The following TNC variants were observed in gnomAD, a reference collection of about 807,000 sequenced individuals.
TNC encodes tenascin C.
In TNC, 109 loss-of-function variants were observed where a neutral mutation model predicts 202.4. The observed-to-expected ratio is 0.54, with a 90% CI of 0.46 to 0.63. The LOEUF is 0.63. Among genes scored for constraint, TNC ranks in the 30% least tolerant of loss-of-function variants. The pLI is 0.00. For missense variants in TNC, 2,756 were observed against 2,833.3 expected, an observed-to-expected ratio of 0.97 and a Z score of 0.62; for synonymous variants, 1,007 against 1,089.7, an observed-to-expected ratio of 0.92 and a Z score of 1.50.
chr9:115,061,836 A>AT (rs1832570370), intron 13 of TNC, among the ~76,000 whole-genome samples: 1 of 152,198 alleles, frequency 6.6e-6, no homozygotes, highest in Non-Finnish European at 1.5e-5. Context: ...GGAGCAGCTC[A>AT]TTTTTGGTGG....
At position 115,064,067 on chromosome 9, in the gene TNC, C is replaced by T. The variant is rs1303629827; in HGVS notation, c.3489G>A (p.Gly1163=). The T allele has an allele frequency of 6.2e-7, 1 of 1,602,074 alleles. No individual in the cohort carries two copies. Among genetic ancestry groups the T allele is most frequent in the Non-Finnish European group, 8.5e-7 (1 of 1,172,588 alleles). Residue 1163 remains glycine (G), a splice_region_variant and synonymous_variant, in exon 12 of 28, where the codon GGG becomes GGA. Coordinates refer to ENST00000350763, the MANE Select transcript of TNC (RefSeq NM_002160.4). ...TPVLSAEAST[G]ETPNLGEVVV... ...CGACCTCTCCCAAATTGGGAGTTTC[C>T]CCTGGAGAAGGACAAAGAACTAGTT...
intron 14 of TNC, among the ~76,000 whole-genome samples, chr9:115,058,007 T>C (rs1033853294): frequency 2.0e-5 from 3 of 152,242 alleles, no homozygotes; most frequent in African/African-American, 7.2e-5. Context: ...GGTATTTTTT[T>C]CATACTTTAG....
intron 15 of TNC, among the ~76,000 whole-genome samples, chr9:115,048,939 T>A (rs1250750386): frequency 6.6e-6 from 1 of 152,142 alleles, no homozygotes; most frequent in Non-Finnish European, 1.5e-5. Flanking sequence ...AGCTCTTTTT[T>A]TTTTTTTCGA....
At position 115,076,386 on chromosome 9, in the gene TNC, T is replaced by C. The variant is rs1433340364; in HGVS notation, c.2860+4A>G. The C allele has an allele frequency of 1.2e-6, 2 of 1,613,938 alleles. No individual in the cohort carries two copies. Among genetic ancestry groups the C allele is most frequent in the South Asian group, 1.1e-5 (1 of 90,976 alleles). On this transcript the variant is annotated splice_donor_region_variant and intron_variant, in intron 8 of 27. Coordinates refer to ENST00000350763, the MANE Select transcript of TNC (RefSeq NM_002160.4). ...GCTCAGGCTTGCAGAGATGCAGAGC[T>C]CACCTGTGAGTGTGGTTTTGGTTGT...
chr9:115,057,349 G>A lies in TNC; in HGVS notation c.4383C>T (p.Thr1461=), dbSNP rs138726121. 407 of 1,614,066 alleles carry A rather than the reference G, an allele frequency of 2.5e-4. 6 individuals are homozygous for A. In the South Asian group the frequency reaches 3.9e-3, roughly 15 times the overall value. Residue 1461 remains threonine (T), a synonymous_variant, in exon 15 of 28, where the codon ACC becomes ACT. Coordinates refer to ENST00000350763, the MANE Select transcript of TNC (RefSeq NM_002160.4). ...TGGTAAAGGTCTCGAAGATCCCATC[G>A]GTAGCCATCCAGGAGAGATTGAAGC... ...PESFNLSWMA[T]DGIFETFTIE...
In TNC at chr9:115,064,836, C is replaced by G. The variant is rs958160062; in HGVS notation, c.3298G>C (p.Ala1100Pro). 6.2e-7 allele frequency: 1 copy of G among 1,614,080 alleles called. No individual in the cohort carries two copies. Among genetic ancestry groups the G allele is most frequent in the Non-Finnish European group, 8.5e-7 (1 of 1,180,044 alleles). The change falls in exon 11 of 28, where the codon GCC becomes CCC. Residue 1100 changes from alanine (A) to proline (P), a missense_variant. Around this residue, in one of 2 missense-constraint regions of TNC, gnomAD observed 2,559 missense variants for 2,546.0 expected, o/e 1.01. Transcript: ENST00000350763. ...ACCTGAATGATAAAGTGCTCATAGG[C>G]CTGGTCAGCTGCGGTCCAGTTGAGT... The part of the protein sequence containing the change: ...LRLNWTAADQ[A>P]YEHFIIQVQE...
intron 11 of TNC, 135 bp from the exon 12 acceptor site, chr9:115,064,203 A>C: frequency 2.2e-6 from 2 of 890,254 alleles, no homozygotes; most frequent in Non-Finnish European, 3.3e-6. Flanking sequence ...GCATCATGCA[A>C]CTCTTTAAAT....
At chr9:115,066,385 A>G (rs1832953250) in intron 10 of TNC, among the ~76,000 whole-genome samples, 2 of 152,170 alleles carry the variant, frequency 1.3e-5, no homozygotes, top group African/African-American at 4.8e-5. Context: ...GTTTTTTTCT[A>G]TTTATACTTC....
intron 9 of TNC, 73 bp from the exon 10 acceptor site, chr9:115,073,939 T>G: frequency 6.7e-7 from 1 of 1,493,428 alleles, no homozygotes; most frequent in Non-Finnish European, 9.0e-7. Context: ...GAAAGTCAAC[T>G]GCATCTGGGC....
intron 1 of TNC, among the ~76,000 whole-genome samples, chr9:115,116,001 TAAGAA>T (rs1447620153): frequency 1.3e-5 from 2 of 152,220 alleles, no homozygotes; most frequent in African/African-American, 2.4e-5. Flanking sequence ...ACAGAGAAAC[TAAGAA>T]AAGTTTCCAT....
chr9:115,064,840 G>T lies in TNC; in HGVS notation c.3294C>A (p.Asp1098Glu), dbSNP rs150392745. The change falls in exon 11 of 28, where the codon GAC (aspartate) becomes GAA (glutamate). Residue 1098 changes from aspartate to glutamate, a missense_variant. By Grantham distance (45) the Asp-to-Glu change is conservative. Transcript: ENST00000350763. ...GAATGATAAAGTGCTCATAGGCCTG[G>T]TCAGCTGCGGTCCAGTTGAGTCTGA... The part of the protein sequence containing the change: ...DGLRLNWTAA[D>E]QAYEHFIIQV... The T allele has an allele frequency of 6.2e-7, 1 of 1,614,122 alleles. No individual in the cohort carries two copies. Among genetic ancestry groups the T allele is most frequent in the East Asian group, 2.2e-5 (1 of 44,870 alleles).
At chr9:115,046,315 G>T in intron 17 of TNC, 95 bp downstream of exon 17, 2 of 1,416,030 alleles carry the variant, frequency 1.4e-6, no homozygotes, top group Non-Finnish European at 1.9e-6. Flanking sequence ...GCGCCAGCCT[G>T]CCTGCATCCA....
chr9:115,089,605 A>T (rs1261993714), intron 2 of TNC, among the ~76,000 whole-genome samples: 2 of 151,728 alleles, frequency 1.3e-5, no homozygotes, highest in African/African-American at 4.9e-5. Context: ...GTTTCAAGTG[A>T]TTCTCCTGCC....
chr9:115,088,635 G>T (rs1834978335), intron 2 of TNC, among the ~76,000 whole-genome samples: 1 of 151,934 alleles, frequency 6.6e-6, no homozygotes. Flanking sequence ...TGTAGTCTCT[G>T]TACGTAGAAA....
intron 1 of TNC, among the ~76,000 whole-genome samples, chr9:115,117,221 T>G (rs145112304): frequency 6.6e-6 from 1 of 152,294 alleles, no homozygotes; most frequent in East Asian, 1.9e-4. Flanking sequence ...GAAGAACCCC[T>G]GTGTTCTTTC....
Position 115,090,917 on chromosome 9 carries a change from C to T in TNC, c.102G>A (p.Gln34=), listed in dbSNP as rs761588080. The T allele has an allele frequency of 3.1e-6, 5 of 1,614,188 alleles. No homozygotes were observed. The Admixed American group carries it at 8.3e-5, about 27-fold the overall frequency. ...CTGGCAGGGTGGCGTTCACCCCACT[C>T]TGTCGCTTGTGCCGGATGACTTTCT... ...VLKKVIRHKR[Q]SGVNATLPEE... Residue 34 remains glutamine (Q), a synonymous_variant, in exon 2 of 28, where the codon CAG becomes CAA. Transcript: ENST00000350763.
chr9:115,115,532 C>T (rs1262196186), intron 1 of TNC, among the ~76,000 whole-genome samples: 1 of 152,174 alleles, frequency 6.6e-6, no homozygotes, highest in East Asian at 1.9e-4. Flanking sequence ...CCCACAAAAG[C>T]CTACAGTTTA....
At chr9:115,025,913 G>A (rs1379599317) in intron 26 of TNC, among the ~76,000 whole-genome samples, 1 of 152,228 alleles carries the variant, frequency 6.6e-6, no homozygotes, top group African/African-American at 2.4e-5. Context: ...GGGGCCACTT[G>A]AGAGGTGAGA....
chr9:115,111,320 G>A (rs1837030890), intron 1 of TNC, among the ~76,000 whole-genome samples: 1 of 150,916 alleles, frequency 6.6e-6, no homozygotes. Flanking sequence ...TATGACTAAG[G>A]TGATGGAATA....
Sources: gnomAD v4.1 joint callset for allele counts (sites outside exome capture counted in the v4.1 genomes callset) on GRCh38, gnomAD v4.1.1 for gene constraint, gnomAD v4.1.1 regional missense constraint, MANE v1.5 for transcripts, NCBI Gene and HGNC (gene_info 2026-07-23, HGNC 2026-07-21) for gene names.